Variants in HLF observed in about 807,000 individuals in gnomAD.
HLF encodes HLF transcription factor, PAR bZIP family member, also known as hepatic leukemia factor.
HLF carries 3 observed loss-of-function variants against 22.6 expected under a neutral mutation model. That is an observed-to-expected ratio of 0.13 (90% CI 0.06 to 0.34). The LOEUF is 0.34. Ranked by LOEUF, HLF falls within the 10% of genes least tolerant of loss-of-function variation. The probability of loss-of-function intolerance (pLI) is 1.00; values close to 1 mark genes in which losing one functional copy is unlikely to be tolerated. For missense variants in HLF, 299 were observed against 389.2 expected (o/e 0.77, Z 1.95); for synonymous variants, 151 against 151.8 (o/e 0.99, Z 0.04).
chr17:55,288,608 GA>G (rs1227377242), intron 2 of HLF, among the ~76,000 whole-genome samples: 1 of 151,820 alleles, frequency 6.6e-6, no homozygotes. Flanking sequence ...ACCAAAAACA[GA>G]AAAAAATTAG....
At chr17:55,281,009 G>A (rs530153026) in intron 2 of HLF, among the ~76,000 whole-genome samples, 1 of 152,314 alleles carries the variant, frequency 6.6e-6, no homozygotes, top group Admixed American at 6.5e-5. Flanking sequence ...TTACAGCTGT[G>A]GGGTTCTTGG....
At chr17:55,286,354 C>T (rs1403584624) in intron 2 of HLF, among the ~76,000 whole-genome samples, 1 of 151,946 alleles carries the variant, frequency 6.6e-6, no homozygotes, top group Non-Finnish European at 1.5e-5. Flanking sequence ...CTCCCATTCT[C>T]ATCTCACTTT....
chr17:55,305,949 C>T (rs1904528081), intron 2 of HLF, among the ~76,000 whole-genome samples: 1 of 152,224 alleles, frequency 6.6e-6, no homozygotes, highest in Non-Finnish European at 1.5e-5. Flanking sequence ...CTTAAGCTTT[C>T]TGTTTTCTAT....
intron 2 of HLF, among the ~76,000 whole-genome samples, chr17:55,287,095 G>C (rs2081011121): frequency 6.6e-6 from 1 of 152,212 alleles, no homozygotes; most frequent in African/African-American, 2.4e-5. Context: ...CAGGGGAGAA[G>C]CATGCTGCTT....
At chr17:55,294,264 T>A (rs1048943152) in intron 2 of HLF, among the ~76,000 whole-genome samples, 30 of 152,204 alleles carry the variant, frequency 2.0e-4, no homozygotes, top group African/African-American at 7.2e-4. Flanking sequence ...GAGACGCATA[T>A]GGTCAAGAGA....
chr17:55,282,579 T>G (rs2080964032), intron 2 of HLF, among the ~76,000 whole-genome samples: 1 of 152,222 alleles, frequency 6.6e-6, no homozygotes, highest in Non-Finnish European at 1.5e-5. Flanking sequence ...AGCACTGAAC[T>G]TGGAGTCAGC....
intron 2 of HLF, among the ~76,000 whole-genome samples, chr17:55,286,210 G>A (rs2081002699): frequency 6.6e-6 from 1 of 152,188 alleles, no homozygotes; most frequent in Non-Finnish European, 1.5e-5. Context: ...AAGCCGCCTG[G>A]AATGGCAAAC....
chr17:55,276,600 G>A (rs1292318655), intron 2 of HLF, among the ~76,000 whole-genome samples: 1 of 152,138 alleles, frequency 6.6e-6, no homozygotes, highest in Non-Finnish European at 1.5e-5. Flanking sequence ...AAGTTATAGA[G>A]GCAGGAATGC....
intron 2 of HLF, among the ~76,000 whole-genome samples, chr17:55,305,718 G>A (rs573736797): frequency 6.6e-6 from 1 of 152,210 alleles, no homozygotes; most frequent in Non-Finnish European, 1.5e-5. Flanking sequence ...TGATGGTTCT[G>A]TGGAGTGTTG....
chr17:55,324,136 CT>C lies in HLF; in HGVS notation c.*3261del. The C allele has an allele frequency of 4.4e-6, 1 of 225,800 alleles. No homozygotes were observed. Among genetic ancestry groups the C allele is most frequent in the Non-Finnish European group, 8.8e-6 (1 of 113,266 alleles). The allele number at this position is 225,800 out of a possible 1,614,324, so 14.0% of individuals were successfully genotyped here. On this transcript the variant is annotated 3_prime_UTR_variant, in exon 4 of 4. Transcript: ENST00000226067. ...CACATTAGGCAAGACTGTGATAGGC[CT>C]TTTGTCTTCAAATACAACAGGCCTC...
chr17:55,289,994 A>G (rs2081045156), intron 2 of HLF, among the ~76,000 whole-genome samples: 1 of 152,194 alleles, frequency 6.6e-6, no homozygotes, highest in African/African-American at 2.4e-5. Context: ...GCTCACTGGT[A>G]CAGAATTCCA....
chr17:55,277,233 TTATGTG>T (rs1355914920), intron 2 of HLF, among the ~76,000 whole-genome samples: 97 of 139,038 alleles, frequency 7.0e-4, no homozygotes, highest in African/African-American at 2.8e-3. Context: ...GAACCAGATG[TTATGTG>T]TATGTGTGTG....
intron 2 of HLF, among the ~76,000 whole-genome samples, chr17:55,270,699 C>T (rs914851626): frequency 9.5e-5 from 13 of 137,106 alleles, no homozygotes; most frequent in Admixed American, 2.5e-4. Flanking sequence ...CTCGCTCTGT[C>T]GCCCAGGCTG....
chr17:55,300,672 G>A (rs779339464), intron 2 of HLF, among the ~76,000 whole-genome samples: 1 of 152,076 alleles, frequency 6.6e-6, no homozygotes, highest in Non-Finnish European at 1.5e-5. Flanking sequence ...TGTTCAGTTG[G>A]CAACAATTCA....
intron 2 of HLF, among the ~76,000 whole-genome samples, chr17:55,275,277 A>T (rs540402144): frequency 6.6e-6 from 1 of 151,996 alleles, no homozygotes; most frequent in African/African-American, 2.4e-5. Context: ...TGTATTTTCT[A>T]TAGATACAGG....
chr17:55,298,956 C>T (rs1321132088), intron 2 of HLF, among the ~76,000 whole-genome samples: 1 of 152,192 alleles, frequency 6.6e-6, no homozygotes, highest in Non-Finnish European at 1.5e-5. Context: ...TTTCCTTTCC[C>T]TCTGCCTGCA....
chr17:55,297,350 A>T (rs771506193), intron 2 of HLF, among the ~76,000 whole-genome samples: 1 of 152,166 alleles, frequency 6.6e-6, no homozygotes, highest in Non-Finnish European at 1.5e-5. Context: ...AGCAGTAGGT[A>T]GAGTTTGTAG....
Position 55,323,910 on chromosome 17 carries a change from A to G in HLF, c.*3031A>G. 4.4e-6 allele frequency: 1 copy of G among 228,862 alleles called. No homozygotes were observed. The highest frequency in any genetic ancestry group is 8.7e-6 in the Non-Finnish European group (1 of 115,364). The allele number at this position is 228,862 out of a possible 1,614,324, so 14.2% of individuals were successfully genotyped here. On this transcript the variant is annotated 3_prime_UTR_variant, in exon 4 of 4. Coordinates refer to ENST00000226067, the MANE Select transcript of HLF (RefSeq NM_002126.5). ...CATATCATACTGACATCATCTAGACATGATTTGGAAGGAACAGCTTAGGAC... is the reference window on the plus strand; with the variant it reads ...CATATCATACTGACATCATCTAGACGTGATTTGGAAGGAACAGCTTAGGAC...
chr17:55,320,866 A>C lies in HLF; in HGVS notation c.875A>C (p.His292Pro). ...KNILAKYEAR[H>P]GPL ...ATACTTGCCAAGTATGAGGCCAGGCACGGGCCCCTGTAGGATGGCATTTTT... is the reference window on the plus strand; with the variant it reads ...ATACTTGCCAAGTATGAGGCCAGGCCCGGGCCCCTGTAGGATGGCATTTTT... Residue 292 changes from histidine (H) to proline (P), a missense_variant, in exon 4 of 4, where the codon CAC (histidine) becomes CCC (proline). By Grantham distance (77) the His-to-Pro change is moderately conservative. Coordinates refer to ENST00000226067, the MANE Select transcript of HLF (RefSeq NM_002126.5). This position sits in a 1 kb window ranked among gnomAD's most constrained non-coding sequence, Gnocchi z 4.2. The C allele has an allele frequency of 6.2e-7, 1 of 1,611,948 alleles. No homozygotes were observed. The highest frequency in any genetic ancestry group is 8.5e-7 in the Non-Finnish European group (1 of 1,179,420).
Sources: allele counts gnomAD v4.1 joint callset (sites outside exome capture counted in the v4.1 genomes callset), GRCh38; gene constraint gnomAD v4.1.1; non-coding constraint Gnocchi (gnomAD v3.1); transcripts MANE v1.5; gene names NCBI Gene and HGNC (gene_info 2026-07-23, HGNC 2026-07-21).